The following TBC1D8B variants were observed in gnomAD, a reference collection of about 807,000 sequenced individuals.
TBC1D8B encodes RP11-321G1.1.
In TBC1D8B, 75 loss-of-function variants were observed where a neutral mutation model predicts 82.9. The observed-to-expected ratio is 0.90, with a 90% CI of 0.75 to 1.10. TBC1D8B has a LOEUF of 1.10. TBC1D8B is among the 50% of genes least tolerant of loss of function. TBC1D8B has a pLI of 0.00. For missense variants in TBC1D8B, 794 were observed against 796.9 expected (o/e 1.00, Z 0.04); for synonymous variants, 276 against 276.8 (o/e 1.00, Z 0.03).
rs749542040 is a variant in TBC1D8B, at chrX:106,808,114, A to G, written c.130+5131A>G. ...AACCAACTACAAGCCAACATCCACA[A>G]ATATATGAATATAACACCAAGTTCA... On this transcript the variant is annotated intron_variant, in intron 1 of 20. Transcript: ENST00000357242. Among the ~76,000 whole-genome samples, 20 of 111,455 alleles carry G rather than the reference A, an allele frequency of 1.8e-4. 1 individual carries two copies. The South Asian group carries it at 3.9e-3, about 21-fold the overall frequency.
chrX:106,862,792 T>G (rs1425545215), intron 14 of TBC1D8B, among the ~76,000 whole-genome samples: 12 of 97,015 alleles, frequency 1.2e-4, no homozygotes, highest in Admixed American at 5.7e-4. Context: ...TTTTTTTTTT[T>G]TTTTTTTTTT....
chrX:106,870,620 T>C (rs1301763868), intron 19 of TBC1D8B, 96 bp from the exon 20 acceptor site: 3 of 516,982 alleles, frequency 5.8e-6, no homozygotes, highest in Non-Finnish European at 9.6e-6. Context: ...ATCTTATATC[T>C]CAGTGAAATA....
chrX:106,853,780 C>A, intron 13 of TBC1D8B, 130 bp downstream of exon 13: 1 of 683,905 alleles, frequency 1.5e-6, no homozygotes, highest in Non-Finnish European at 2.2e-6. Flanking sequence ...TCCAACTTAA[C>A]TTTTAAAATG....
At chrX:106,827,560 A>C (rs1602414645) in intron 7 of TBC1D8B, 3 of 339,320 alleles carry the variant, frequency 8.8e-6, no homozygotes, top group African/African-American at 5.4e-5. Context: ...AAATTACTAT[A>C]ATTTGATCTT....
Position 106,870,697 on chromosome X carries a change from T to G in TBC1D8B, c.2870-19T>G. 1 of 1,105,705 alleles carries G rather than the reference T, an allele frequency of 9.0e-7. No homozygotes were observed. Among genetic ancestry groups the G allele is most frequent in the Non-Finnish European group, 1.2e-6 (1 of 802,917 alleles). 91.1% of individuals were successfully genotyped at this position (1,105,705 alleles called of 1,213,427 possible). On this transcript the variant is annotated intron_variant, in intron 19 of 20. Coordinates refer to ENST00000357242, the MANE Select transcript of TBC1D8B (RefSeq NM_017752.3). ...TAGTGGGCTGTTCCTTATGAAATGG[T>G]TTTACTCCCTTTCTTCAGGCAAAGG...
rs372638103 is a variant in TBC1D8B at position 106,847,160 on chromosome X, G to A, written c.1720-1026G>A. ...AATTTATATAAAAAAGATAACCATT[G>A]CAGCATTATATGTAATAGTAAAAAA... On this transcript the variant is annotated intron_variant, in intron 10 of 20. Transcript: ENST00000357242. Among the ~76,000 whole-genome samples the A allele has an allele frequency of 1.5e-3, 171 of 111,553 alleles. 1 individual carries two copies. The highest frequency in any genetic ancestry group is 5.1e-3 in the African/African-American group (158 of 30,816).
Position 106,802,793 on chromosome X carries a change from G to A in TBC1D8B, c.-61G>A. On this transcript the variant is annotated 5_prime_UTR_variant, in exon 1 of 21. Transcript: ENST00000357242. Reference sequence around the variant, plus strand: ...GAGGAGAAGCAGAGGGGAAGAGACGGGTTGAGAGTGAGGTGAGGAGGGCAT... The same window carrying A: ...GAGGAGAAGCAGAGGGGAAGAGACGAGTTGAGAGTGAGGTGAGGAGGGCAT... 1 of 1,197,137 alleles carries A rather than the reference G, an allele frequency of 8.4e-7. No individual in the cohort carries two copies. Among genetic ancestry groups the A allele is most frequent in the Non-Finnish European group, 1.1e-6 (1 of 886,185 alleles).
intron 10 of TBC1D8B, among the ~76,000 whole-genome samples, chrX:106,844,214 G>A (rs754157152): frequency 9.2e-6 from 1 of 109,161 alleles, no homozygotes; most frequent in East Asian, 2.9e-4. Context: ...TTCTTGCCTA[G>A]TTGACCAGGC....
intron 1 of TBC1D8B, chrX:106,814,451 G>A (rs1262232989): frequency 1.9e-5 from 2 of 106,135 alleles, no homozygotes; most frequent in African/African-American, 3.5e-5. Context: ...ATCATTGTTG[G>A]ACATTTGGCT....
intron 10 of TBC1D8B, among the ~76,000 whole-genome samples, chrX:106,845,677 C>T (rs777365109): frequency 2.7e-5 from 3 of 111,642 alleles, no homozygotes; most frequent in Non-Finnish European, 5.6e-5. Context: ...ATACATACAA[C>T]TGTGAGTATA....
At position 106,840,868 on chromosome X, in the gene TBC1D8B, A is replaced by G. The variant is rs775069953; in HGVS notation, c.1703A>G (p.Lys568Arg). 8.3e-6 allele frequency: 10 copies of G among 1,207,576 alleles called. No individual in the cohort carries two copies. The African/African-American group carries it at 1.4e-4, about 17-fold the overall frequency. ...VLTAYAYRNP[K>R]IGYCQAMNIL... ...ACAGCTTATGCATACAGGAATCCCA[A>G]AATTGGATACTGCCAGGTATGACTT... The change falls in exon 10 of 21, where the codon AAA (lysine) becomes AGA (arginine). Residue 568 changes from lysine to arginine, a missense_variant. Lys to Arg is a conservative substitution (Grantham distance 26). Transcript: ENST00000357242.
rs371146582 is a variant in TBC1D8B at position 106,857,320 on chromosome X, T to G, written c.2352+3024T>G. ...GGTGCCTGTCACCATGCCCAGCTAATTTTTGTATTTTTAGTAGAGATGGGA... is the reference window on the plus strand; with the variant it reads ...GGTGCCTGTCACCATGCCCAGCTAAGTTTTGTATTTTTAGTAGAGATGGGA... On this transcript the variant is annotated intron_variant, in intron 14 of 20. Coordinates refer to ENST00000357242, the MANE Select transcript of TBC1D8B (RefSeq NM_017752.3). Among the ~76,000 whole-genome samples, 167 of 110,248 alleles carry G rather than the reference T, an allele frequency of 1.5e-3. 1 individual carries two copies. The highest frequency in any genetic ancestry group is 5.2e-3 in the African/African-American group (157 of 30,270).
At chrX:106,851,911 A>G (rs1314966448) in intron 12 of TBC1D8B, among the ~76,000 whole-genome samples, 10 of 110,894 alleles carry the variant, frequency 9.0e-5, no homozygotes, top group African/African-American at 3.3e-4. Context: ...ATGATTTATA[A>G]TCCTTTGGGT....
intron 14 of TBC1D8B, among the ~76,000 whole-genome samples, chrX:106,863,155 G>T (rs991183344): frequency 8.9e-6 from 1 of 112,200 alleles, no homozygotes; most frequent in Non-Finnish European, 1.9e-5. Flanking sequence ...CTGGGTGCTC[G>T]TAGGAGCCTT....
At position 106,874,199 on chromosome X, in the gene TBC1D8B, A is replaced by G. The variant is rs755140333; in HGVS notation, c.*234A>G. The G allele has an allele frequency of 6.1e-5, 17 of 278,130 alleles. No individual in the cohort carries two copies. Among genetic ancestry groups the G allele is most frequent in the Non-Finnish European group, 8.8e-5 (14 of 159,796 alleles). 22.9% of individuals were successfully genotyped at this position (278,130 alleles called of 1,213,427 possible). A position where few individuals can be genotyped will look rare whatever the true frequency, so the allele number is the denominator to read the frequency against. ...AAGCAAACCACATTTGTTATCTCAA[A>G]TTTTGATGATATTCTCAAATACAAA... On this transcript the variant is annotated 3_prime_UTR_variant, in exon 21 of 21. Coordinates refer to ENST00000357242, the MANE Select transcript of TBC1D8B (RefSeq NM_017752.3).
At chrX:106,826,345 C>A in intron 6 of TBC1D8B, 108 bp downstream of exon 6, 1 of 584,357 alleles carries the variant, frequency 1.7e-6, no homozygotes, top group Non-Finnish European at 2.6e-6. Flanking sequence ...GATGCAATAT[C>A]CTTTTAGTAA....
rs1286720589 is a variant in TBC1D8B at position 106,821,878 on chromosome X, G to A, written c.361-99G>A. ...GGATGAGGAACCCATGGATATGGAG[G>A]GCTGACTGTACAATTGTATTCAATC... On this transcript the variant is annotated intron_variant, in intron 3 of 20. Transcript: ENST00000357242. 4 of 679,253 alleles carry A rather than the reference G, an allele frequency of 5.9e-6. No homozygotes were observed. In the African/African-American group the frequency reaches 8.9e-5, roughly 15 times the overall value. 56.0% of individuals were successfully genotyped at this position (679,253 alleles called of 1,213,427 possible).
In TBC1D8B at chrX:106,874,930, G is replaced by C. The variant is rs1302987438; in HGVS notation, c.*965G>C. The C allele has an allele frequency of 8.9e-6, 1 of 112,024 alleles. No homozygotes were observed. Among genetic ancestry groups the C allele is most frequent in the Non-Finnish European group, 1.9e-5 (1 of 53,145 alleles). The allele number at this position is 112,024 out of a possible 1,213,427, so 9.2% of individuals were successfully genotyped here. ...AAGACTGAATTATCTTATTAGTCTG[G>C]CAAGCATATAAAGTATACTTGTATG... On this transcript the variant is annotated 3_prime_UTR_variant, in exon 21 of 21. Coordinates refer to ENST00000357242, the MANE Select transcript of TBC1D8B (RefSeq NM_017752.3).
intron 7 of TBC1D8B, among the ~76,000 whole-genome samples, chrX:106,834,855 T>C (rs1442501027): frequency 8.9e-6 from 1 of 112,085 alleles, no homozygotes; most frequent in Non-Finnish European, 1.9e-5. Flanking sequence ...GCCACAGCCT[T>C]GGGCAGTTCC....
Sources: allele counts gnomAD v4.1 joint callset (sites outside exome capture counted in the v4.1 genomes callset), GRCh38; gene constraint gnomAD v4.1.1; transcripts MANE v1.5; gene names NCBI Gene and HGNC (gene_info 2026-07-23, HGNC 2026-07-21).